FGF13: variants seen among roughly 807,000 people sequenced by gnomAD.
FGF13 encodes the protein fibroblast growth factor homologous factor 2.
In FGF13, 2 loss-of-function variants were observed where a neutral mutation model predicts 19.5. That is an observed-to-expected ratio of 0.10 (90% confidence interval 0.04 to 0.32). The LOEUF (loss-of-function observed/expected upper bound fraction) is 0.32. Among genes scored for constraint, FGF13 ranks in the 10% least tolerant of loss-of-function variants. The pLI, the probability that FGF13 is intolerant of heterozygous loss-of-function variation, is 1.00. For missense variants in FGF13, 113 were observed against 192.7 expected (o/e 0.59, Z 2.45); for synonymous variants, 72 against 76.9 (o/e 0.94, Z 0.33).
At chrX:138,984,605 GGA>G in intron 1 of FGF13, among the ~76,000 whole-genome samples, 1 of 52,814 alleles carries the variant, frequency 1.9e-5, no homozygotes, top group African/African-American at 6.4e-5. Flanking sequence ...AGGAGGAGGA[GGA>G]GGAGGAGGAT....
At chrX:139,079,932 T>C (rs182765693) in intron 1 of FGF13, among the ~76,000 whole-genome samples, 1 of 110,376 alleles carries the variant, frequency 9.1e-6, no homozygotes, top group Non-Finnish European at 1.9e-5. Flanking sequence ...AGTGCCTTCT[T>C]CATGGTAAGT....
chrX:139,010,350 CATTCCATTCATAAGG>C, intron 1 of FGF13, among the ~76,000 whole-genome samples: 1 of 111,436 alleles, frequency 9.0e-6, no homozygotes, highest in Non-Finnish European at 1.9e-5. Flanking sequence ...GTAGAATATA[CATTCCATTCATAAGG>C]ACATGAAACG....
intron 1 of FGF13, among the ~76,000 whole-genome samples, chrX:138,961,757 T>G: frequency 8.9e-6 from 1 of 111,952 alleles, no homozygotes; most frequent in African/African-American, 3.2e-5. Flanking sequence ...ATTCCCTATT[T>G]AATAAATGGT....
At chrX:139,015,515 T>A (rs181297211) in intron 1 of FGF13, among the ~76,000 whole-genome samples, 1 of 110,055 alleles carries the variant, frequency 9.1e-6, no homozygotes, top group African/African-American at 3.3e-5. Flanking sequence ...AAGTAAAAGA[T>A]CTCTATAATG....
rs781338439 is a variant in FGF13, at chrX:138,835,405, T to A, written c.217+22107A>T. On this transcript the variant is annotated intron_variant, in intron 3 of 6. Transcript: ENST00000436198. ...AACTGAACCCTTTACCATTATGCGA[T>A]GCGGATTTTTGTTTTGTTTTGTTTT... Among the ~76,000 whole-genome samples the A allele has an allele frequency of 2.7e-5, 3 of 112,177 alleles. No individual in the cohort carries two copies. In the Admixed American group the frequency reaches 2.8e-4, roughly 11 times the overall value.
intron 1 of FGF13, among the ~76,000 whole-genome samples, chrX:139,031,394 G>A (rs2092226040): frequency 1.8e-5 from 2 of 110,870 alleles, no homozygotes; most frequent in South Asian, 3.8e-4. Context: ...ACACAAGGCA[G>A]ATTGTATTTT....
chrX:138,950,163 G>T (rs1249100340), intron 1 of FGF13, among the ~76,000 whole-genome samples: 1 of 111,881 alleles, frequency 8.9e-6, no homozygotes, highest in East Asian at 2.8e-4. Flanking sequence ...ATTCAGAAAT[G>T]CATTGAATCA....
intron 3 of FGF13, among the ~76,000 whole-genome samples, chrX:138,658,033 A>G (rs1310049778): frequency 9.0e-6 from 1 of 111,676 alleles, no homozygotes; most frequent in Non-Finnish European, 1.9e-5. Context: ...ATCAGTCGTG[A>G]AAGTGGAAAC....
intron 3 of FGF13, among the ~76,000 whole-genome samples, chrX:138,747,677 A>C (rs2090365885): frequency 8.9e-6 from 1 of 111,804 alleles, no homozygotes; most frequent in South Asian, 3.8e-4. Flanking sequence ...CAGGACTGAC[A>C]GAATCACTCA....
intron 3 of FGF13, among the ~76,000 whole-genome samples, chrX:138,831,321 A>T (rs1367776288): frequency 1.8e-5 from 2 of 111,000 alleles, no homozygotes; most frequent in African/African-American, 6.6e-5. Flanking sequence ...ACCTCAGAGA[A>T]TCAAGAACTA....
At chrX:138,911,439 G>A (rs776728380) in intron 1 of FGF13, among the ~76,000 whole-genome samples, 1 of 108,864 alleles carries the variant, frequency 9.2e-6, no homozygotes, top group East Asian at 2.9e-4. Context: ...ACAGAGGGGG[G>A]CAACACACAC....
At chrX:139,049,150 T>C (rs2092296885) in intron 1 of FGF13, among the ~76,000 whole-genome samples, 1 of 111,059 alleles carries the variant, frequency 9.0e-6, no homozygotes, top group African/African-American at 3.3e-5. Flanking sequence ...CTCACTCATA[T>C]GTGGAAGCTA....
At chrX:138,850,998 T>A (rs930086130) in intron 3 of FGF13, among the ~76,000 whole-genome samples, 1 of 112,024 alleles carries the variant, frequency 8.9e-6, no homozygotes, top group Non-Finnish European at 1.9e-5. Context: ...TGTTTGGTTT[T>A]CTGTTCCTGT....
intron 2 of FGF13, among the ~76,000 whole-genome samples, chrX:138,862,123 T>G (rs1450784872): frequency 8.9e-6 from 1 of 112,308 alleles, no homozygotes; most frequent in African/African-American, 3.2e-5. Flanking sequence ...CAAAAAACTT[T>G]TTCCCTTATT....
chrX:139,053,620 TTGGTTTG>T (rs1332235844), intron 1 of FGF13, among the ~76,000 whole-genome samples: 1 of 111,379 alleles, frequency 9.0e-6, no homozygotes, highest in Non-Finnish European at 1.9e-5. Context: ...TTCTTACTGA[TTGGTTTG>T]AGTTCCTTGT....
chrX:138,636,631 T>C (rs1602638993), intron 3 of FGF13, among the ~76,000 whole-genome samples: 1 of 112,070 alleles, frequency 8.9e-6, no homozygotes, highest in South Asian at 3.7e-4. Flanking sequence ...AAGGGCCTAC[T>C]TGGAGTGGAA....
chrX:138,958,556 C>T (rs1244538289), intron 1 of FGF13, among the ~76,000 whole-genome samples: 1 of 111,883 alleles, frequency 8.9e-6, no homozygotes, highest in Non-Finnish European at 1.9e-5. Flanking sequence ...AGGGAGGATT[C>T]CTTCTTTTTC....
At chrX:138,911,420 C>T (rs1315102382) in intron 1 of FGF13, among the ~76,000 whole-genome samples, 1 of 108,562 alleles carries the variant, frequency 9.2e-6, no homozygotes, top group Admixed American at 9.9e-5. Flanking sequence ...GATGAGGACA[C>T]ATGGACACAC....
intron 1 of FGF13, among the ~76,000 whole-genome samples, chrX:139,093,476 AAAAGAGATAAACTC>A (rs1251729076): frequency 1.8e-5 from 2 of 112,389 alleles, no homozygotes; most frequent in Non-Finnish European, 3.8e-5. Context: ...TGACTCAAGA[AAAAGAGATAAACTC>A]AAACCTCCCA....
Sources: allele counts gnomAD v4.1 joint callset (sites outside exome capture counted in the v4.1 genomes callset), GRCh38; gene constraint gnomAD v4.1.1; transcripts MANE v1.5; gene names NCBI Gene and HGNC (gene_info 2026-07-23, HGNC 2026-07-21).